The following THEMIS variants were observed in gnomAD, a reference collection of about 807,000 sequenced individuals.
THEMIS encodes protein THEMIS.
Under a neutral mutation model 52.6 loss-of-function variants are expected in THEMIS, and 37 were observed. That is an observed-to-expected ratio of 0.70 (90% confidence interval 0.54 to 0.93). THEMIS has a LOEUF of 0.93. Among genes scored for constraint, THEMIS ranks in the 40% least tolerant of loss-of-function variants. The probability of loss-of-function intolerance (pLI) is 0.00; values close to 1 mark genes in which losing one functional copy is unlikely to be tolerated. For synonymous variants in THEMIS, 292 were observed against 272.7 expected (o/e 1.07, Z -0.70); for missense variants, 808 against 763.1 (o/e 1.06, Z -0.69).
chr6:127,740,535 C>T (rs1221772747), intron 4 of THEMIS, among the ~76,000 whole-genome samples: 2 of 152,210 alleles, frequency 1.3e-5, no homozygotes, highest in African/African-American at 4.8e-5. Flanking sequence ...TCTTAACTGG[C>T]CTGAAACTTC....
the THEMIS span, among the ~76,000 whole-genome samples, chr6:127,700,012 A>G: frequency 9.9e-5 from 15 of 152,028 alleles, no homozygotes; most frequent in African/African-American, 3.6e-4. Context: ...GAAAATGAAA[A>G]GATAAACCAC....
At chr6:127,779,162 C>T (rs561337105) in intron 4 of THEMIS, among the ~76,000 whole-genome samples, 5 of 152,232 alleles carry the variant, frequency 3.3e-5, no homozygotes, top group Middle Eastern at 3.4e-3. Context: ...CAGGGTTCAA[C>T]GTGTTCCTCT....
chr6:127,851,588 A>G (rs1256559369), intron 2 of THEMIS, among the ~76,000 whole-genome samples: 1 of 151,820 alleles, frequency 6.6e-6, no homozygotes, highest in African/African-American at 2.4e-5. Context: ...GCATATGAGA[A>G]GCATATCCTG....
chr6:127,736,455 A>G (rs1025828031), intron 4 of THEMIS, among the ~76,000 whole-genome samples: 1 of 152,186 alleles, frequency 6.6e-6, no homozygotes, highest in African/African-American at 2.4e-5. Context: ...GGGAAATTTA[A>G]GAGCTGAGTA....
chr6:127,883,998 G>A (rs1320823454), intron 1 of THEMIS, among the ~76,000 whole-genome samples: 1 of 152,100 alleles, frequency 6.6e-6, no homozygotes, highest in Non-Finnish European at 1.5e-5. Context: ...TCCATAGCAA[G>A]CCTTCAATAG....
intron 1 of THEMIS, among the ~76,000 whole-genome samples, chr6:127,862,428 A>ATTTTTTGTTTTTTTT (rs1779834442): frequency 1.4e-5 from 1 of 72,808 alleles, no homozygotes; most frequent in Non-Finnish European, 2.8e-5. Flanking sequence ...TAGGGAGTAA[A>ATTTTTTGTTTTTTTT]TTTTTTTTTT....
rs200767496 is a variant in THEMIS, at chr6:127,787,880, T to TAGATAGATAGATAGATATAGATAG, written c.1758+25002_1758+25003insCTATCTATATCTATCTATCTATCT. 4.7e-3 allele frequency among the ~76,000 whole-genome samples: 558 copies of TAGATAGATAGATAGATATAGATAG among 119,988 alleles called. 4 individuals carry two copies. The highest frequency in any genetic ancestry group is 8.8e-3 in the Middle Eastern group (2 of 228). The allele number at this position is 119,988 out of a possible 152,430, so 78.7% of individuals were successfully genotyped here. On this transcript the variant is annotated intron_variant, in intron 4 of 5. Transcript: ENST00000368248. ...ATAGATAGATAGATAGATAGATAGA[T>TAGATAGATAGATAGATATAGATAG]ATAGATAGATAGATAGATAGATAGA...
At chr6:127,745,615 G>A (rs1775361972) in intron 4 of THEMIS, among the ~76,000 whole-genome samples, 1 of 151,788 alleles carries the variant, frequency 6.6e-6, no homozygotes, top group Admixed American at 6.6e-5. Flanking sequence ...ATTTAACTAT[G>A]TTCTCTTTAG....
chr6:127,719,865 A>C lies in THEMIS; in HGVS notation c.1759-42T>G, dbSNP rs775742943. 19 of 1,601,234 alleles carry C rather than the reference A, an allele frequency of 1.2e-5. No homozygotes were observed. In the East Asian group the frequency reaches 4.1e-4, roughly 34 times the overall value. On this transcript the variant is annotated intron_variant, in intron 4 of 5. Coordinates refer to ENST00000368248, the MANE Select transcript of THEMIS (RefSeq NM_001010923.3). Reference sequence around the variant, plus strand: ...CACAAGTAAATTATCAGTCCAAAATAAATGCTTCATAGAGATATGAAAGAT... The same window carrying C: ...CACAAGTAAATTATCAGTCCAAAATCAATGCTTCATAGAGATATGAAAGAT...
At chr6:127,697,086 T>A in the THEMIS span, among the ~76,000 whole-genome samples, 12 of 152,132 alleles carry the variant, frequency 7.9e-5, 1 homozygote, top group East Asian at 1.7e-3. Flanking sequence ...CCGACTCATA[T>A]ATGCAATTGC....
At chr6:127,744,419 G>C (rs899919653) in intron 4 of THEMIS, among the ~76,000 whole-genome samples, 4 of 151,940 alleles carry the variant, frequency 2.6e-5, no homozygotes, top group African/African-American at 9.7e-5. Flanking sequence ...CAGATTGGGG[G>C]ACAATCCATA....
At chr6:127,738,472 C>A (rs1434664693) in intron 4 of THEMIS, among the ~76,000 whole-genome samples, 1 of 152,174 alleles carries the variant, frequency 6.6e-6, no homozygotes. Context: ...CAAGGTTTTT[C>A]ATATACAACT....
At chr6:127,907,337 A>ATTTGTTTTTT (rs1781297713) in intron 1 of THEMIS, among the ~76,000 whole-genome samples, 1 of 49,448 alleles carries the variant, frequency 2.0e-5, no homozygotes, top group Non-Finnish European at 3.7e-5. Flanking sequence ...TTAGGCTCGG[A>ATTTGTTTTTT]TTTTTTTTTT....
chr6:127,710,025 A>T lies in THEMIS; in HGVS notation c.1895-9T>A. ...TTCATTTTTGAATGTTTCTATAAATAAAAAAAGAAGGGTTTATCAGAAATA... is the reference window on the plus strand; with the variant it reads ...TTCATTTTTGAATGTTTCTATAAATTAAAAAAGAAGGGTTTATCAGAAATA... On this transcript the variant is annotated splice_polypyrimidine_tract_variant and intron_variant, in intron 5 of 5. Transcript: ENST00000368248. The T allele has an allele frequency of 6.5e-7, 1 of 1,550,146 alleles. No homozygotes were observed. Among genetic ancestry groups the T allele is most frequent in the Non-Finnish European group, 8.8e-7 (1 of 1,139,102 alleles).
In THEMIS at chr6:127,785,220, TTATCTATC is replaced by T. The variant is rs71028106; in HGVS notation, c.1758+27655_1758+27662del. On this transcript the variant is annotated intron_variant, in intron 4 of 5. Coordinates refer to ENST00000368248, the MANE Select transcript of THEMIS (RefSeq NM_001010923.3). ...TCTACCTACCTACCTATTATCTATC[TTATCTATC>T]TATCTATCTATCTATCTATCTATCA... is the stretch of plus-strand genomic sequence containing the variant. Among the ~76,000 whole-genome samples, 271 of 93,830 alleles carry T rather than the reference TTATCTATC, an allele frequency of 2.9e-3. 3 individuals are homozygous for T. Among genetic ancestry groups the T allele is most frequent in the African/African-American group, 9.4e-3 (246 of 26,204 alleles). 61.6% of individuals were successfully genotyped at this position (93,830 alleles called of 152,430 possible). A position where few individuals can be genotyped will look rare whatever the true frequency, so the allele number is the denominator to read the frequency against.
intron 2 of THEMIS, among the ~76,000 whole-genome samples, chr6:127,850,917 TAAGAAAG>T (rs1779400634): frequency 6.6e-6 from 1 of 151,672 alleles, no homozygotes; most frequent in South Asian, 2.1e-4. Context: ...AACCTGTCTC[TAAGAAAG>T]CCCAGATATC....
downstream of THEMIS, among the ~76,000 whole-genome samples, chr6:127,703,839 C>G (rs1773764925): frequency 6.6e-6 from 1 of 152,122 alleles, no homozygotes; most frequent in Non-Finnish European, 1.5e-5. Flanking sequence ...GACAAAATAC[C>G]TCAGACTGGG....
At chr6:127,908,795 T>C (rs1242009861) in intron 1 of THEMIS, among the ~76,000 whole-genome samples, 1 of 151,872 alleles carries the variant, frequency 6.6e-6, no homozygotes, top group African/African-American at 2.4e-5. Flanking sequence ...TTAACAGCTC[T>C]TTTCTCTTTT....
At chr6:127,882,790 G>A (rs988618000) in intron 1 of THEMIS, among the ~76,000 whole-genome samples, 7 of 151,764 alleles carry the variant, frequency 4.6e-5, no homozygotes, top group South Asian at 2.1e-4. Context: ...GAATACATGC[G>A]AGTAGAATAC....
Sources: allele counts gnomAD v4.1 joint callset (sites outside exome capture counted in the v4.1 genomes callset), GRCh38; gene constraint gnomAD v4.1.1; transcripts MANE v1.5; gene names NCBI Gene and HGNC (gene_info 2026-07-23, HGNC 2026-07-21).